CDC42BPA: variants seen among roughly 807,000 people sequenced by gnomAD.
The protein encoded by CDC42BPA is serine/threonine-protein kinase MRCK alpha.
In CDC42BPA, 80 loss-of-function variants were observed where a neutral mutation model predicts 223.5. The ratio of observed to expected loss-of-function variants is 0.36; its 90% CI spans 0.30 to 0.43. The LOEUF (loss-of-function observed/expected upper bound fraction) is 0.43, where lower values mean the gene tolerates loss of function less well. Ranked by LOEUF, CDC42BPA falls within the 20% of genes least tolerant of loss-of-function variation. The probability of loss-of-function intolerance (pLI) is 1.00; values close to 1 mark genes in which losing one functional copy is unlikely to be tolerated. For synonymous variants in CDC42BPA, 694 were observed against 718.6 expected (o/e 0.97, Z 0.55); for missense variants, 1,743 against 2,099.9 (o/e 0.83, Z 3.32).
In CDC42BPA at chr1:227,317,865, C is replaced by T. The variant is rs1251159976; in HGVS notation, c.-683G>A. ...GTTTCTCCTCCCGAGGTCCTTCTTTCTTTAAGGCTTTGCAGTCAGTCCTAT... is the reference window on the plus strand; with the variant it reads ...GTTTCTCCTCCCGAGGTCCTTCTTTTTTTAAGGCTTTGCAGTCAGTCCTAT... On this transcript the variant is annotated 5_prime_UTR_variant, in exon 1 of 37. Transcript: ENST00000366766. The T allele has an allele frequency of 2.5e-6, 1 of 398,744 alleles. No homozygotes were observed. Among genetic ancestry groups the T allele is most frequent in the Non-Finnish European group, 4.4e-6 (1 of 226,108 alleles). The allele number at this position is 398,744 out of a possible 1,614,324, so 24.7% of individuals were successfully genotyped here.
intron 27 of CDC42BPA, 86 bp downstream of exon 27, chr1:227,033,248 A>G (rs1299928867): frequency 1.2e-5 from 9 of 781,702 alleles, no homozygotes; most frequent in Admixed American, 2.2e-5. Flanking sequence ...TTTTACTTAT[A>G]GTGAATTTAT....
At chr1:227,086,037 T>C (rs761744187) in intron 16 of CDC42BPA, among the ~76,000 whole-genome samples, 6 of 152,236 alleles carry the variant, frequency 3.9e-5, no homozygotes, top group Non-Finnish European at 7.3e-5. Context: ...CTGCTTTCTG[T>C]TTCTGTAGAA....
intron 31 of CDC42BPA, among the ~76,000 whole-genome samples, chr1:227,023,608 C>T (rs1667765023): frequency 6.6e-6 from 1 of 152,166 alleles, no homozygotes; most frequent in Admixed American, 6.5e-5. Flanking sequence ...ACATTTAAAC[C>T]TTAGACTTTT....
chr1:227,182,789 A>C (rs1456697701), intron 5 of CDC42BPA: 1 of 152,136 alleles, frequency 6.6e-6, no homozygotes, highest in African/African-American at 2.4e-5. Flanking sequence ...AGGAAGACCC[A>C]CCCTCAATGT....
At chr1:227,179,435 G>A (rs1667523270) in intron 5 of CDC42BPA, among the ~76,000 whole-genome samples, 1 of 151,620 alleles carries the variant, frequency 6.6e-6, no homozygotes, top group South Asian at 2.1e-4. Context: ...AGGAGATTGA[G>A]ACCATCCTGG....
intron 2 of CDC42BPA, among the ~76,000 whole-genome samples, chr1:227,240,046 T>C (rs187916590): frequency 6.6e-6 from 1 of 151,900 alleles, no homozygotes; most frequent in East Asian, 1.9e-4. Flanking sequence ...GGGACCAAAA[T>C]AACAACAAAA....
chr1:227,200,649 T>C (rs960456580), intron 3 of CDC42BPA, among the ~76,000 whole-genome samples: 6 of 152,174 alleles, frequency 3.9e-5, no homozygotes, highest in African/African-American at 1.2e-4. Flanking sequence ...TTTCCAGTTT[T>C]GTATTATTAT....
At chr1:227,123,468 GAA>G (rs1297354939) in intron 11 of CDC42BPA, among the ~76,000 whole-genome samples, 3 of 152,200 alleles carry the variant, frequency 2.0e-5, no homozygotes, top group African/African-American at 4.8e-5. Context: ...GCATGGAAGA[GAA>G]ATATAAAACA....
rs1318223118 is a variant in CDC42BPA at position 227,317,650 on chromosome 1, G to A, written c.-468C>T. On this transcript the variant is annotated 5_prime_UTR_variant, in exon 1 of 37. Transcript: ENST00000366766. ...TCACTTCCCGGGAAGAAGAAAAACAGAAAAGGGAGGAAAAAAACAGAATGC... is the reference window on the plus strand; with the variant it reads ...TCACTTCCCGGGAAGAAGAAAAACAAAAAAGGGAGGAAAAAAACAGAATGC... 3 of 395,250 alleles carry A rather than the reference G, an allele frequency of 7.6e-6. No homozygotes were observed. The highest frequency in any genetic ancestry group is 4.1e-5 in the African/African-American group (2 of 48,228). 24.5% of individuals were successfully genotyped at this position (395,250 alleles called of 1,614,324 possible). A position where few individuals can be genotyped will look rare whatever the true frequency, so the allele number is the denominator to read the frequency against.
At chr1:227,129,347 A>G in intron 10 of CDC42BPA, 116 bp from the exon 11 acceptor site, 1 of 759,916 alleles carries the variant, frequency 1.3e-6, no homozygotes, top group Non-Finnish European at 2.1e-6. Context: ...CAAAACATCT[A>G]CTCACTGACA....
chr1:227,095,045 T>A (rs1683739246), intron 15 of CDC42BPA, among the ~76,000 whole-genome samples: 1 of 152,258 alleles, frequency 6.6e-6, no homozygotes, highest in Admixed American at 6.5e-5. Context: ...AGAATGGAAC[T>A]GCATTGCCTG....
chr1:226,994,431 A>G lies in CDC42BPA; in HGVS notation c.5134-32T>C, dbSNP rs1661158337. On this transcript the variant is annotated intron_variant, in intron 36 of 36. Transcript: ENST00000366766. The surrounding 1 kb of genome is among the most constrained non-coding windows in gnomAD (Gnocchi z 4.0). ...GGCCCAAAGTAAAACATTAATGAGA[A>G]GGAGGGGGAGAAAGGGAGGCAGAAG... The G allele has an allele frequency of 4.1e-6, 6 of 1,468,470 alleles. No homozygotes were observed. Among genetic ancestry groups the G allele is most frequent in the Non-Finnish European group, 5.4e-6 (6 of 1,104,464 alleles). 91.0% of individuals were successfully genotyped at this position (1,468,470 alleles called of 1,614,324 possible). A position where few individuals can be genotyped will look rare whatever the true frequency, so the allele number is the denominator to read the frequency against.
chr1:227,117,440 C>G (rs752150519), intron 12 of CDC42BPA, among the ~76,000 whole-genome samples: 24 of 152,024 alleles, frequency 1.6e-4, no homozygotes, highest in Non-Finnish European at 2.5e-4. Flanking sequence ...CCTCAGCATC[C>G]TGAGCAGCTG....
intron 34 of CDC42BPA, among the ~76,000 whole-genome samples, chr1:227,006,135 C>T (rs1341170116): frequency 1.3e-5 from 2 of 151,984 alleles, no homozygotes. Context: ...TTCACATAAT[C>T]CCAGCCTCAT....
intron 1 of CDC42BPA, among the ~76,000 whole-genome samples, chr1:227,306,656 A>G (rs1327036593): frequency 1.3e-5 from 2 of 152,182 alleles, no homozygotes; most frequent in Non-Finnish European, 2.9e-5. Context: ...AAGCTTTATG[A>G]TATCATATGT....
At chr1:227,041,751 C>T (rs892330140) in intron 23 of CDC42BPA, among the ~76,000 whole-genome samples, 2 of 152,122 alleles carry the variant, frequency 1.3e-5, no homozygotes, top group Admixed American at 6.5e-5. Flanking sequence ...CTAGAAGTTC[C>T]TCACGATCTT....
chr1:227,080,853 T>C, intron 17 of CDC42BPA, 40 bp downstream of exon 17: 1 of 1,610,454 alleles, frequency 6.2e-7, no homozygotes, highest in African/African-American at 1.3e-5. Context: ...GGCCACATAC[T>C]CACAATCATC....
intron 9 of CDC42BPA, among the ~76,000 whole-genome samples, chr1:227,142,499 C>T (rs1255276303): frequency 3.3e-5 from 5 of 152,212 alleles, no homozygotes. Flanking sequence ...TAATGCTTAA[C>T]TTTCTATTTC....
At chr1:227,129,479 G>A (rs1273994865) in intron 10 of CDC42BPA, among the ~76,000 whole-genome samples, 1 of 151,318 alleles carries the variant, frequency 6.6e-6, no homozygotes, top group Non-Finnish European at 1.5e-5. Flanking sequence ...ACCAGACTGG[G>A]CAACAGAATG....
Sources: gnomAD v4.1 joint callset for allele counts (sites outside exome capture counted in the v4.1 genomes callset) on GRCh38, gnomAD v4.1.1 for gene constraint, Gnocchi (gnomAD v3.1) non-coding constraint, MANE v1.5 for transcripts, NCBI Gene and HGNC (gene_info 2026-07-23, HGNC 2026-07-21) for gene names.